PCDH15: variants seen among roughly 807,000 people sequenced by gnomAD.
PCDH15 encodes the protein protocadherin related 15.
PCDH15 carries 129 observed loss-of-function variants against 178.5 expected under a neutral mutation model. That is an observed-to-expected ratio of 0.72 (90% CI 0.63 to 0.84). The LOEUF (loss-of-function observed/expected upper bound fraction) is 0.84. Among genes scored for constraint, PCDH15 ranks in the 40% least tolerant of loss-of-function variants. The pLI, the probability that PCDH15 is intolerant of heterozygous loss-of-function variation, is 0.00. For missense variants in PCDH15, 2,230 were observed against 2,099.9 expected, an observed-to-expected ratio of 1.06 and a Z score of -1.21; for synonymous variants, 800 against 732.0, an observed-to-expected ratio of 1.09 and a Z score of -1.50.
chr10:55,227,259 T>C (rs1373484070), intron 1 of PCDH15, among the ~76,000 whole-genome samples: 1 of 152,110 alleles, frequency 6.6e-6, no homozygotes, highest in Non-Finnish European at 1.5e-5. Flanking sequence ...CGATAAATGT[T>C]TTTAAAATTC....
intron 20 of PCDH15, among the ~76,000 whole-genome samples, chr10:54,016,547 G>A (rs1169394151): frequency 6.6e-6 from 1 of 152,130 alleles, no homozygotes; most frequent in Non-Finnish European, 1.5e-5. Context: ...TAACTATGCA[G>A]CCATAAAAAA....
intron 3 of PCDH15, among the ~76,000 whole-genome samples, chr10:54,867,927 G>A (rs1477236941): frequency 2.0e-5 from 3 of 152,056 alleles, no homozygotes; most frequent in African/African-American, 4.8e-5. Context: ...AATAATTCTT[G>A]TATACCTGAA....
chr10:54,484,369 T>G (rs1350834319), intron 3 of PCDH15, among the ~76,000 whole-genome samples: 1 of 151,934 alleles, frequency 6.6e-6, no homozygotes, highest in African/African-American at 2.4e-5. Flanking sequence ...ATAATGCTGT[T>G]CAACCTTTAA....
At chr10:55,119,976 A>G (rs1215528413) in intron 2 of PCDH15, among the ~76,000 whole-genome samples, 1 of 152,028 alleles carries the variant, frequency 6.6e-6, no homozygotes, top group Non-Finnish European at 1.5e-5. Flanking sequence ...ACTTGTCTTA[A>G]ATGTTTTTTT....
intron 3 of PCDH15, among the ~76,000 whole-genome samples, chr10:54,821,687 C>T (rs535265549): frequency 5.9e-5 from 9 of 152,042 alleles, no homozygotes; most frequent in African/African-American, 9.6e-5. Context: ...AAAAGTAATC[C>T]GGTCTTCTGG....
intron 2 of PCDH15, among the ~76,000 whole-genome samples, chr10:55,359,773 T>C (rs543659667): frequency 5.7e-4 from 80 of 140,978 alleles, no homozygotes; most frequent in Middle Eastern, 7.4e-3. Context: ...CACACACACA[T>C]ATATATATAT....
intron 32 of PCDH15, chr10:53,825,033 A>AAAAG: frequency 7.6e-7 from 1 of 1,312,454 alleles, no homozygotes; most frequent in African/African-American, 1.5e-5. Flanking sequence ...AGTCTGTGGC[A>AAAAG]AAAGATGAAG....
intron 15 of PCDH15, among the ~76,000 whole-genome samples, chr10:54,100,964 G>T (rs7904970): frequency 0.57 from 87,265 of 151,796 alleles, 25,987 homozygotes; most frequent in Middle Eastern, 0.67. Context: ...TCCAGTTAAG[G>T]TCTGAAAATG....
intron 3 of PCDH15, among the ~76,000 whole-genome samples, chr10:54,494,560 C>T (rs959479951): frequency 1.3e-5 from 2 of 152,072 alleles, no homozygotes; most frequent in African/African-American, 2.4e-5. Flanking sequence ...TTAGGTAGGC[C>T]GCAGAGTAAA....
chr10:55,504,670 C>A (rs1228931314), intron 2 of PCDH15, among the ~76,000 whole-genome samples: 1 of 151,040 alleles, frequency 6.6e-6, no homozygotes, highest in Non-Finnish European at 1.5e-5. Context: ...TAACAGCATA[C>A]AATAATGAAT....
chr10:54,150,002 C>T (rs558779901), intron 14 of PCDH15, among the ~76,000 whole-genome samples: 25 of 152,102 alleles, frequency 1.6e-4, no homozygotes, highest in East Asian at 1.2e-3. Flanking sequence ...AGATGGGAGA[C>T]GCCTTAAACC....
chr10:54,580,201 T>C (rs2090910305), intron 2 of PCDH15, among the ~76,000 whole-genome samples: 1 of 151,816 alleles, frequency 6.6e-6, no homozygotes. Context: ...TTTGAAAGCA[T>C]AAACAAGAGA....
intron 2 of PCDH15, among the ~76,000 whole-genome samples, chr10:54,624,465 T>C (rs1242772994): frequency 2.0e-5 from 3 of 152,168 alleles, no homozygotes; most frequent in Non-Finnish European, 4.4e-5. Context: ...GCAAGACAGA[T>C]CTTAGTAAGA....
chr10:53,861,357 G>A (rs1189472679), intron 27 of PCDH15, among the ~76,000 whole-genome samples: 4 of 151,980 alleles, frequency 2.6e-5, no homozygotes, highest in African/African-American at 9.7e-5. Flanking sequence ...TATTTGTAAT[G>A]GATTCAAATT....
rs75098794 is a variant in PCDH15, at chr10:54,589,246, T to A, written c.92-61369A>T. ...ATTTATTGTACTCTAGTTGTGCTTA[T>A]CTTTTTGGTCTTTATCAAACACAAC... On this transcript the variant is annotated intron_variant, in intron 2 of 37. Coordinates refer to ENST00000644397, the MANE Select transcript of PCDH15 (RefSeq NM_001384140.1). Among the ~76,000 whole-genome samples the A allele has an allele frequency of 4.6e-3, 701 of 152,304 alleles. 7 individuals carry two copies. Among genetic ancestry groups the A allele is most frequent in the African/African-American group, 0.016 (669 of 41,576 alleles).
chr10:54,100,046 A>G (rs764629081), intron 15 of PCDH15, among the ~76,000 whole-genome samples: 2 of 152,188 alleles, frequency 1.3e-5, no homozygotes, highest in Non-Finnish European at 2.9e-5. Context: ...GATATTTAAT[A>G]CACTTCAGAA....
At chr10:53,933,177 T>G (rs2085235926) in intron 25 of PCDH15, among the ~76,000 whole-genome samples, 1 of 152,014 alleles carries the variant, frequency 6.6e-6, no homozygotes, top group Admixed American at 6.6e-5. Context: ...TTTTTTTAAA[T>G]TTTATTATTA....
chr10:55,133,551 G>T (rs7077654), intron 2 of PCDH15, among the ~76,000 whole-genome samples: 145,414 of 152,138 alleles, frequency 0.96, 69,725 homozygotes, highest in Middle Eastern at 1. Context: ...AACCTCTATT[G>T]TACATCTCTA....
At chr10:54,591,062 T>A (rs1043677613) in intron 2 of PCDH15, among the ~76,000 whole-genome samples, 6 of 152,114 alleles carry the variant, frequency 3.9e-5, no homozygotes, top group African/African-American at 1.4e-4. Context: ...ATTGGATTTG[T>A]CTCTATTTCA....
Sources: allele counts gnomAD v4.1 joint callset (sites outside exome capture counted in the v4.1 genomes callset), GRCh38; gene constraint gnomAD v4.1.1; transcripts MANE v1.5; gene names NCBI Gene and HGNC (gene_info 2026-07-23, HGNC 2026-07-21).